TXLNB: variants seen among roughly 807,000 people sequenced by gnomAD.
TXLNB encodes the protein beta-taxilin.
TXLNB carries 37 observed loss-of-function variants against 57.4 expected under a neutral mutation model. The ratio of observed to expected loss-of-function variants is 0.64; its 90% CI spans 0.50 to 0.85. TXLNB has a LOEUF of 0.85. Ranked by LOEUF, TXLNB falls within the 40% of genes least tolerant of loss-of-function variation. The pLI, the probability that TXLNB is intolerant of heterozygous loss-of-function variation, is 0.00. For synonymous variants in TXLNB, 302 were observed against 309.6 expected (o/e 0.98, Z 0.26); for missense variants, 848 against 825.6 (o/e 1.03, Z -0.33).
At chr6:139,291,653 G>A (rs995808677) in intron 1 of TXLNB, among the ~76,000 whole-genome samples, 2 of 152,068 alleles carry the variant, frequency 1.3e-5, no homozygotes, top group Non-Finnish European at 2.9e-5. Flanking sequence ...TATATTATGT[G>A]GCAAAGAAAT....
chr6:139,300,506 A>G, the TXLNB span, among the ~76,000 whole-genome samples: 2 of 152,094 alleles, frequency 1.3e-5, no homozygotes, highest in East Asian at 1.9e-4. Flanking sequence ...GTCCATTGAT[A>G]GGCTTAAAGG....
chr6:139,294,581 C>G (rs553708890), upstream of TXLNB, among the ~76,000 whole-genome samples: 75 of 152,304 alleles, frequency 4.9e-4, no homozygotes, highest in African/African-American at 1.8e-3. Flanking sequence ...CCCCTTACCC[C>G]TCTGCCATGT....
At chr6:139,312,269 C>T in the TXLNB span, among the ~76,000 whole-genome samples, 3 of 152,048 alleles carry the variant, frequency 2.0e-5, no homozygotes, top group African/African-American at 7.3e-5. Flanking sequence ...AATCTTAGGA[C>T]ATTAGACTTG....
chr6:139,174,510 G>A, the TXLNB span: 25 of 1,613,894 alleles, frequency 1.5e-5, no homozygotes, highest in Admixed American at 5.0e-5. Flanking sequence ...GTACACCTAC[G>A]ACATCCTGGC....
chr6:139,195,179 G>A, the TXLNB span, among the ~76,000 whole-genome samples: 1 of 152,118 alleles, frequency 6.6e-6, no homozygotes, highest in African/African-American at 2.4e-5. Flanking sequence ...CAGCAAGGAT[G>A]GATTGAGTCC....
downstream of TXLNB, among the ~76,000 whole-genome samples, chr6:139,236,201 T>G (rs2104623): frequency 0.13 from 19,891 of 152,116 alleles, 2,557 homozygotes; most frequent in African/African-American, 0.34. Flanking sequence ...TTGTGATAAG[T>G]CAGAGAGTCT....
At chr6:139,235,378 CTT>C (rs1775824852), downstream of TXLNB, among the ~76,000 whole-genome samples, 3 of 152,144 alleles carry the variant, frequency 2.0e-5, no homozygotes, top group Non-Finnish European at 4.4e-5. Context: ...TCAGATGAGA[CTT>C]TGGACTTTTG....
At chr6:139,223,782 A>G in the TXLNB span, among the ~76,000 whole-genome samples, 8 of 152,344 alleles carry the variant, frequency 5.3e-5, no homozygotes, top group South Asian at 1.2e-3. Context: ...CAATCATTAA[A>G]AAATCAGGAA....
At chr6:139,171,975 C>T in the TXLNB span, among the ~76,000 whole-genome samples, 92 of 152,000 alleles carry the variant, frequency 6.1e-4, no homozygotes, top group Admixed American at 1.4e-3. Context: ...GGACTACAGG[C>T]GCCGCCACCA....
intron 1 of TXLNB, among the ~76,000 whole-genome samples, chr6:139,290,373 T>C (rs1777277656): frequency 6.6e-6 from 1 of 152,146 alleles, no homozygotes; most frequent in Non-Finnish European, 1.5e-5. Flanking sequence ...GAGCAAGACT[T>C]CGTCTCAAAA....
At chr6:139,249,353 C>T (rs1776139510) in intron 7 of TXLNB, among the ~76,000 whole-genome samples, 1 of 152,192 alleles carries the variant, frequency 6.6e-6, no homozygotes, top group Non-Finnish European at 1.5e-5. Flanking sequence ...TCAAATGAAT[C>T]TTTGGTACTC....
At chr6:139,213,747 GAA>G in the TXLNB span, among the ~76,000 whole-genome samples, 1 of 151,884 alleles carries the variant, frequency 6.6e-6, no homozygotes, top group Non-Finnish European at 1.5e-5. Context: ...CAATAAAGAA[GAA>G]AAGAGAGAAG....
At chr6:139,181,423 C>T in the TXLNB span, among the ~76,000 whole-genome samples, 1 of 152,180 alleles carries the variant, frequency 6.6e-6, no homozygotes, top group Non-Finnish European at 1.5e-5. Flanking sequence ...GTTGAGCAGG[C>T]GAATCATCCC....
At chr6:139,309,656 G>A in the TXLNB span, among the ~76,000 whole-genome samples, 1 of 152,124 alleles carries the variant, frequency 6.6e-6, no homozygotes, top group African/African-American at 2.4e-5. Context: ...CAGGCACAGT[G>A]GCTCATACCT....
At chr6:139,294,534 TG>T (rs1428597593), upstream of TXLNB, among the ~76,000 whole-genome samples, 1 of 152,108 alleles carries the variant, frequency 6.6e-6, no homozygotes, top group African/African-American at 2.4e-5. Context: ...CTTTTATGAA[TG>T]GGATTAGTGT....
downstream of TXLNB, among the ~76,000 whole-genome samples, chr6:139,237,221 G>T (rs768857307): frequency 2.0e-5 from 3 of 151,936 alleles, no homozygotes. Flanking sequence ...TAGTATATTG[G>T]CCGGGTGCAG....
intron 8 of TXLNB, among the ~76,000 whole-genome samples, chr6:139,245,796 G>A (rs1011356491): frequency 6.6e-6 from 1 of 152,082 alleles, no homozygotes; most frequent in Non-Finnish European, 1.5e-5. Context: ...GAGTTCAAGC[G>A]ATTCTCCTGC....
At chr6:139,281,390 T>C (rs936948852) in intron 2 of TXLNB, among the ~76,000 whole-genome samples, 1 of 152,158 alleles carries the variant, frequency 6.6e-6, no homozygotes, top group East Asian at 1.9e-4. Context: ...AAGGCCTGTA[T>C]CAGCTTCGAA....
chr6:139,159,730 T>C, the TXLNB span, among the ~76,000 whole-genome samples: 2 of 152,158 alleles, frequency 1.3e-5, no homozygotes, highest in African/African-American at 2.4e-5. Flanking sequence ...TAAACACTTA[T>C]TTATGCAGTA....
Sources: allele counts gnomAD v4.1 joint callset (sites outside exome capture counted in the v4.1 genomes callset), GRCh38; gene constraint gnomAD v4.1.1; transcripts MANE v1.5; gene names NCBI Gene and HGNC (gene_info 2026-07-23, HGNC 2026-07-21).